SLCO1A2: variants seen among roughly 807,000 people sequenced by gnomAD.
The protein encoded by SLCO1A2 is solute carrier organic anion transporter family member 1A2, also known as OATP-1.
SLCO1A2 carries 67 observed loss-of-function variants against 69.0 expected under a neutral mutation model. The ratio of observed to expected loss-of-function variants is 0.97; its 90% confidence interval spans 0.80 to 1.19. The LOEUF is 1.19. Ranked by LOEUF, SLCO1A2 falls within the 50% of genes most tolerant of loss-of-function variation. SLCO1A2 has a pLI of 0.00. For missense variants in SLCO1A2, 787 were observed against 793.7 expected (o/e 0.99, Z 0.10); for synonymous variants, 260 against 265.9 (o/e 0.98, Z 0.22).
At chr12:21,371,719 G>T (rs1215325936) in intron 2 of SLCO1A2, among the ~76,000 whole-genome samples, 1 of 152,082 alleles carries the variant, frequency 6.6e-6, no homozygotes, top group African/African-American at 2.4e-5. Flanking sequence ...TACAAAAAAA[G>T]AGGATGGGTG....
At chr12:21,275,508 A>G (rs1943660441) in intron 12 of SLCO1A2, 84 bp from the exon 13 acceptor site, 3 of 1,258,480 alleles carry the variant, frequency 2.4e-6, no homozygotes, top group Non-Finnish European at 3.1e-6. Context: ...GTTGTAAGCT[A>G]GTCACACATA....
At chr12:21,310,882 C>T (rs1004060021) in intron 4 of SLCO1A2, among the ~76,000 whole-genome samples, 4 of 152,228 alleles carry the variant, frequency 2.6e-5, no homozygotes, top group African/African-American at 7.2e-5. Context: ...GGATTATAGG[C>T]GTGAGCCACC....
At chr12:21,396,727 TAAAG>T (rs992341227), upstream of SLCO1A2, among the ~76,000 whole-genome samples, 1 of 152,088 alleles carries the variant, frequency 6.6e-6, no homozygotes, top group African/African-American at 2.4e-5. Context: ...TCAAATTTCT[TAAAG>T]AAAAGAATTT....
chr12:21,380,989 G>C (rs2137122694), intron 1 of SLCO1A2, among the ~76,000 whole-genome samples: 1 of 151,528 alleles, frequency 6.6e-6, no homozygotes, highest in Middle Eastern at 3.4e-3. Context: ...CAGCACCAGA[G>C]AAAGGTAGAC....
chr12:21,413,963 C>CTT (rs1941951789), intron 1 of SLCO1A2, among the ~76,000 whole-genome samples: 1 of 152,100 alleles, frequency 6.6e-6, no homozygotes, highest in Non-Finnish European at 1.5e-5. Flanking sequence ...ACTTAGCAAG[C>CTT]TTTTTGTTTG....
chr12:21,346,875 A>G (rs1055380249), intron 2 of SLCO1A2, among the ~76,000 whole-genome samples: 2 of 152,172 alleles, frequency 1.3e-5, no homozygotes, highest in Non-Finnish European at 2.9e-5. Flanking sequence ...GTAATTTCCA[A>G]TGAAAATCCA....
intron 2 of SLCO1A2, among the ~76,000 whole-genome samples, chr12:21,346,365 G>A (rs1037209028): frequency 2.6e-5 from 4 of 152,100 alleles, no homozygotes; most frequent in African/African-American, 4.8e-5. Flanking sequence ...TGAGAGAGCT[G>A]TGCTGAAGAG....
intron 1 of SLCO1A2, among the ~76,000 whole-genome samples, chr12:21,407,317 T>C (rs888083218): frequency 6.6e-6 from 1 of 151,988 alleles, no homozygotes; most frequent in Non-Finnish European, 1.5e-5. Context: ...AGAAGGTTGG[T>C]GTAGTTGGAG....
At chr12:21,403,288 T>C (rs1455186503) in intron 1 of SLCO1A2, 1 of 152,128 alleles carries the variant, frequency 6.6e-6, no homozygotes, top group South Asian at 2.1e-4. Context: ...GTCAGGAATG[T>C]ATAAACAAGA....
chr12:21,411,943 A>T (rs974821786), intron 1 of SLCO1A2, among the ~76,000 whole-genome samples: 5 of 152,162 alleles, frequency 3.3e-5, no homozygotes, highest in African/African-American at 1.2e-4. Context: ...CTGGGACTGT[A>T]GGTGTGAGCC....
chr12:21,342,618 A>G (rs970021433), intron 2 of SLCO1A2, among the ~76,000 whole-genome samples: 1 of 151,958 alleles, frequency 6.6e-6, no homozygotes, highest in African/African-American at 2.4e-5. Flanking sequence ...GTATGTCACA[A>G]ATTAAATAGC....
At chr12:21,356,636 A>C (rs1938390726) in intron 2 of SLCO1A2, among the ~76,000 whole-genome samples, 3 of 152,178 alleles carry the variant, frequency 2.0e-5, no homozygotes. Context: ...AACAATTCAC[A>C]GTAAAGATAT....
chr12:21,373,538 A>G (rs12306121), intron 2 of SLCO1A2: 166,475 of 787,868 alleles, frequency 0.21, 22,229 homozygotes, highest in African/African-American at 0.57. Context: ...ACTATATCAT[A>G]CTTAAGAACA....
At chr12:21,418,938 T>A (rs554610067), upstream of SLCO1A2, among the ~76,000 whole-genome samples, 6 of 152,248 alleles carry the variant, frequency 3.9e-5, no homozygotes, top group South Asian at 1.2e-3. Flanking sequence ...AAATTAAGAA[T>A]AATATTTAGT....
At chr12:21,403,694 C>G (rs1470521773) in intron 1 of SLCO1A2, 1 of 146,460 alleles carries the variant, frequency 6.8e-6, no homozygotes, top group Admixed American at 6.8e-5. Flanking sequence ...TCACTTGGAA[C>G]CAGAGGCTCC....
intron 2 of SLCO1A2, among the ~76,000 whole-genome samples, chr12:21,340,734 C>T (rs556350641): frequency 7.2e-5 from 11 of 151,940 alleles, no homozygotes; most frequent in African/African-American, 1.9e-4. Context: ...TTGGACTCCA[C>T]GTGCAATACT....
At chr12:21,280,486 G>A (rs1043289391) in intron 12 of SLCO1A2, among the ~76,000 whole-genome samples, 2 of 152,014 alleles carry the variant, frequency 1.3e-5, no homozygotes, top group Admixed American at 6.5e-5. Context: ...AGACGAAGAA[G>A]ATCATTATAT....
chr12:21,325,597 C>T (rs1427898429), intron 2 of SLCO1A2, among the ~76,000 whole-genome samples: 1 of 152,148 alleles, frequency 6.6e-6, no homozygotes, highest in Non-Finnish European at 1.5e-5. Context: ...TCAATTTCCC[C>T]AATCTGGGGC....
At chr12:21,385,374 C>T (rs1940826419) in intron 1 of SLCO1A2, among the ~76,000 whole-genome samples, 1 of 152,208 alleles carries the variant, frequency 6.6e-6, no homozygotes, top group African/African-American at 2.4e-5. Context: ...ATTTGAAATT[C>T]ATTCTTGTGC....
Sources: allele counts gnomAD v4.1 joint callset (sites outside exome capture counted in the v4.1 genomes callset), GRCh38; gene constraint gnomAD v4.1.1; transcripts MANE v1.5; gene names NCBI Gene and HGNC (gene_info 2026-07-23, HGNC 2026-07-21).